Variants in SNAP47 observed in about 807,000 individuals in gnomAD.
The protein encoded by SNAP47 is synaptosomal-associated protein 47.
In SNAP47, 20 loss-of-function variants were observed where a neutral mutation model predicts 31.4. The observed-to-expected ratio is 0.64, with a 90% CI of 0.45 to 0.93. The LOEUF (loss-of-function observed/expected upper bound fraction) is 0.93, where lower values mean the gene tolerates loss of function less well. Among genes scored for constraint, SNAP47 ranks in the 40% least tolerant of loss-of-function variants. SNAP47 has a pLI of 0.00. For synonymous variants in SNAP47, 194 were observed against 213.4 expected (o/e 0.91, Z 0.79); for missense variants, 492 against 528.5 (o/e 0.93, Z 0.68).
At chr1:227,759,732 C>A in intron 3 of SNAP47, 3 of 559,406 alleles carry the variant, frequency 5.4e-6, no homozygotes, top group Non-Finnish European at 9.5e-6. Context: ...AATTCCAAAG[C>A]GGTTGGTACC....
chr1:227,728,332 G>C (rs1444161491), upstream of SNAP47, among the ~76,000 whole-genome samples: 1 of 152,086 alleles, frequency 6.6e-6, no homozygotes, highest in Non-Finnish European at 1.5e-5. Context: ...TGCAGGGCCG[G>C]TGCTTGCCAC....
In SNAP47 at chr1:227,780,795, C is replaced by G; in HGVS notation, c.*122C>G. On this transcript the variant is annotated 3_prime_UTR_variant, in exon 5 of 5. Transcript: ENST00000617596. ...CGGAGTGGTCTTCCTCTGGATGGGG[C>G]TGCTACTGTGGGGCTGCTTCTGCAC... is the stretch of plus-strand genomic sequence containing the variant. 7.2e-7 allele frequency: 1 copy of G among 1,383,148 alleles called. No homozygotes were observed. The highest frequency in any genetic ancestry group is 2.4e-5 in the East Asian group (1 of 41,066). The allele number at this position is 1,383,148 out of a possible 1,614,324, so 85.7% of individuals were successfully genotyped here.
chr1:227,733,686 G>A (rs367922496), upstream of SNAP47: 81 of 1,599,742 alleles, frequency 5.1e-5, no homozygotes, highest in African/African-American at 8.9e-4. Flanking sequence ...GGGGACCTGC[G>A]GCAGCAAGAG....
intron 3 of SNAP47, 74 bp from the exon 4 acceptor site, chr1:227,766,885 T>C: frequency 6.3e-7 from 1 of 1,584,134 alleles, no homozygotes; most frequent in Non-Finnish European, 8.6e-7. Context: ...AAGACCACGC[T>C]CTGCCATCCA....
At chr1:227,738,945 T>A (rs1661412093) in intron 1 of SNAP47, among the ~76,000 whole-genome samples, 1 of 152,186 alleles carries the variant, frequency 6.6e-6, no homozygotes, top group African/African-American at 2.4e-5. Context: ...CTCTCGTTCT[T>A]GAGATGGAAC....
rs766665980 is a variant in SNAP47, at chr1:227,735,507, A to G, written c.-46+8A>G. ...TCGTCTGGCGTCCCTCAGGTGAGCG[A>G]CGGTGTTGGTCTGTTGGGCGCCCGG... On this transcript the variant is annotated splice_region_variant and intron_variant, in intron 1 of 4. Transcript: ENST00000617596. 6.4e-6 allele frequency: 9 copies of G among 1,401,900 alleles called. No homozygotes were observed. The highest frequency in any genetic ancestry group is 8.3e-6 in the Non-Finnish European group (9 of 1,087,102). 86.8% of individuals were successfully genotyped at this position (1,401,900 alleles called of 1,614,324 possible). A position where few individuals can be genotyped will look rare whatever the true frequency, so the allele number is the denominator to read the frequency against.
chr1:227,736,731 A>T (rs1297875569), intron 1 of SNAP47, among the ~76,000 whole-genome samples: 11 of 129,384 alleles, frequency 8.5e-5, no homozygotes, highest in Admixed American at 8.1e-4. Context: ...TGTGTTGCCC[A>T]AGCCGGTGTT....
intron 1 of SNAP47, 120 bp from the exon 2 acceptor site, chr1:227,747,572 T>G: frequency 2.0e-6 from 2 of 999,178 alleles, no homozygotes; most frequent in South Asian, 1.7e-5. Context: ...GGATCGAGAG[T>G]CAGCCACGTG....
intron 1 of SNAP47, among the ~76,000 whole-genome samples, chr1:227,738,350 C>T (rs889840734): frequency 9.2e-5 from 14 of 152,100 alleles, no homozygotes; most frequent in East Asian, 7.7e-4. Flanking sequence ...CCGAGATGAC[C>T]GTTTTTTATT....
chr1:227,767,531 GTGTA>G lies in SNAP47; in HGVS notation c.1113+449_1113+452del, dbSNP rs1445536219. ...ACTGTGTATGTGCATGTGCATGTGTGTGTACTTGTGAGTACATGTGTGTGTTGTG... is the reference window on the plus strand; with the variant it reads ...ACTGTGTATGTGCATGTGCATGTGTGCTTGTGAGTACATGTGTGTGTTGTG... On this transcript the variant is annotated intron_variant, in intron 4 of 4. Coordinates refer to ENST00000617596, the MANE Select transcript of SNAP47 (RefSeq NM_053052.4). 9.9e-3 allele frequency among the ~76,000 whole-genome samples: 1,512 copies of G among 152,310 alleles called. 17 individuals are homozygous for G. The highest frequency in any genetic ancestry group is 0.032 in the African/African-American group (1,311 of 41,550).
At chr1:227,728,278 C>T (rs73101653), upstream of SNAP47, among the ~76,000 whole-genome samples, 1,664 of 152,270 alleles carry the variant, frequency 0.011, 33 homozygotes, top group African/African-American at 0.038. Flanking sequence ...CTGCCCGGAA[C>T]ACAAGGGTAG....
rs544254300 is a variant in SNAP47, at chr1:227,735,731, G to T, written c.-46+232G>T. 4 of 982,838 alleles carry T rather than the reference G, an allele frequency of 4.1e-6. No homozygotes were observed. In the South Asian group the frequency reaches 1.9e-4, roughly 46 times the overall value. 60.9% of individuals were successfully genotyped at this position (982,838 alleles called of 1,614,324 possible). On this transcript the variant is annotated intron_variant, in intron 1 of 4. Transcript: ENST00000617596. ...GGGATGATGGGACCCGGAGAGAACG[G>T]TGGGACCCAGAGGGAGAGCTGGGGG...
chr1:227,755,911 GC>G (rs1360530962), intron 2 of SNAP47, among the ~76,000 whole-genome samples: 29 of 152,296 alleles, frequency 1.9e-4, no homozygotes, highest in South Asian at 6.2e-4. Context: ...TTAACCAATT[GC>G]CATCTTTTAA....
upstream of SNAP47, chr1:227,735,044 C>T: frequency 6.4e-7 from 1 of 1,553,598 alleles, no homozygotes; most frequent in Non-Finnish European, 8.7e-7. Flanking sequence ...GAAGTCGGGC[C>T]TCCCCGCGGG....
intron 2 of SNAP47, among the ~76,000 whole-genome samples, chr1:227,753,815 C>G (rs888372849): frequency 6.6e-6 from 1 of 152,042 alleles, no homozygotes; most frequent in South Asian, 2.1e-4. Flanking sequence ...CTGCCCAAAC[C>G]TCCTAGGGGA....
At chr1:227,738,756 A>G (rs573667731) in intron 1 of SNAP47, among the ~76,000 whole-genome samples, 5 of 152,158 alleles carry the variant, frequency 3.3e-5, no homozygotes, top group Admixed American at 6.5e-5. Flanking sequence ...TTGTCTCAAG[A>G]TCTTGGAATA....
chr1:227,732,578 G>A (rs759426975), upstream of SNAP47: 40 of 1,613,346 alleles, frequency 2.5e-5, no homozygotes, highest in South Asian at 2.0e-4. Flanking sequence ...CGTCCTCAGC[G>A]GCTGCCTCCC....
rs568395680 is a variant in SNAP47 at position 227,759,140 on chromosome 1, G to A, written c.643G>A (p.Ala215Thr). Residue 215 changes from alanine to threonine, a missense_variant, in exon 3 of 5, where the codon GCT (alanine) becomes ACT (threonine). Coordinates refer to ENST00000617596, the MANE Select transcript of SNAP47 (RefSeq NM_053052.4). ...GKEGILIKIP[A>T]VISHRTESHV... ...AGAAGGGATACTGATAAAAATTCCT[G>A]CTGTTATTTCCCACAGAACAGAGTC... 14 of 1,614,190 alleles carry A rather than the reference G, an allele frequency of 8.7e-6. No individual in the cohort carries two copies. In the South Asian group the frequency reaches 1.5e-4, roughly 18 times the overall value.
At chr1:227,757,950 T>A (rs879409594) in intron 2 of SNAP47, among the ~76,000 whole-genome samples, 7 of 152,154 alleles carry the variant, frequency 4.6e-5, no homozygotes, top group Non-Finnish European at 1.0e-4. Context: ...CTGATTCTGT[T>A]CTCTGGAGAA....
Sources: gnomAD v4.1 joint callset for allele counts (sites outside exome capture counted in the v4.1 genomes callset) on GRCh38, gnomAD v4.1.1 for gene constraint, MANE v1.5 for transcripts, NCBI Gene and HGNC (gene_info 2026-07-23, HGNC 2026-07-21) for gene names.